The following ASF1A variants were observed in gnomAD, a reference collection of about 807,000 sequenced individuals.
ASF1A encodes anti-silencing function 1A histone chaperone.
In ASF1A, 5 loss-of-function variants were observed where a neutral mutation model predicts 22.0. The ratio of observed to expected loss-of-function variants is 0.23; its 90% CI spans 0.12 to 0.48. The LOEUF (loss-of-function observed/expected upper bound fraction) is 0.48, where lower values mean the gene tolerates loss of function less well. Among genes scored for constraint, ASF1A ranks in the 20% least tolerant of loss-of-function variants. The pLI is 0.99. For missense variants in ASF1A, 137 were observed against 240.6 expected, an observed-to-expected ratio of 0.57 and a Z score of 2.85; for synonymous variants, 97 against 86.7, an observed-to-expected ratio of 1.12 and a Z score of -0.66.
intron 1 of ASF1A, among the ~76,000 whole-genome samples, chr6:118,900,140 T>C (rs1191169982): frequency 6.6e-6 from 1 of 152,216 alleles, no homozygotes; most frequent in African/African-American, 2.4e-5. Flanking sequence ...TGGTTTCCTC[T>C]GCCCAATTTA....
rs1029514787 is a variant in ASF1A at position 118,894,485 on chromosome 6, C to T, written c.72C>T (p.Phe24=). 3.0e-5 allele frequency: 46 copies of T among 1,537,066 alleles called. No individual in the cohort carries two copies. Among genetic ancestry groups the T allele is most frequent in the Non-Finnish European group, 4.0e-5 (46 of 1,146,838 alleles). ...CTCCTTTCTACAACCCGTTCCAGTT[C>T]GAGATCACCTTCGAGTGCATCGAGG... ...NPSPFYNPFQ[F]EITFECIEDL... The change falls in exon 1 of 4, where the codon TTC becomes TTT. Residue 24 remains phenylalanine, a synonymous_variant. Transcript: ENST00000229595.
intron 1 of ASF1A, among the ~76,000 whole-genome samples, chr6:118,900,442 T>C (rs1779732113): frequency 6.6e-6 from 1 of 152,194 alleles, no homozygotes; most frequent in South Asian, 2.1e-4. Flanking sequence ...CTGAAGGATA[T>C]CTCAGAAAAC....
intron 1 of ASF1A, among the ~76,000 whole-genome samples, chr6:118,896,564 C>T (rs1470487007): frequency 1.3e-5 from 2 of 152,166 alleles, no homozygotes; most frequent in Non-Finnish European, 2.9e-5. Context: ...CAGGGATTTA[C>T]AGTACTGGTG....
In ASF1A at chr6:118,908,937, A is replaced by G. The variant is rs1310829150; in HGVS notation, c.*1323A>G. The G allele has an allele frequency of 6.6e-6, 1 of 152,618 alleles. No individual in the cohort carries two copies. The highest frequency in any genetic ancestry group is 1.5e-5 in the Non-Finnish European group (1 of 68,024). The allele number at this position is 152,618 out of a possible 1,614,324, so 9.5% of individuals were successfully genotyped here. On this transcript the variant is annotated 3_prime_UTR_variant, in exon 4 of 4. Transcript: ENST00000229595. ...TAAACATGGATTCTGAGTTGTATATATTTCCTATCATTCTAAAAAAGTGAA... is the reference window on the plus strand; with the variant it reads ...TAAACATGGATTCTGAGTTGTATATGTTTCCTATCATTCTAAAAAAGTGAA...
rs950415002 is a variant in ASF1A at position 118,908,375 on chromosome 6, T to C, written c.*761T>C. The stretch of plus-strand genomic sequence containing the variant: ...ATATCGGGAGAAAATACAAACTCCC[T>C]GTGTTTAAGAATAGGGGATTACAAT... On this transcript the variant is annotated 3_prime_UTR_variant, in exon 4 of 4. Coordinates refer to ENST00000229595, the MANE Select transcript of ASF1A (RefSeq NM_014034.3). 1.3e-5 allele frequency: 2 copies of C among 152,262 alleles called. No homozygotes were observed. Among genetic ancestry groups the C allele is most frequent in the African/African-American group, 4.8e-5 (2 of 41,566 alleles). 9.4% of individuals were successfully genotyped at this position (152,262 alleles called of 1,614,324 possible). A position where few individuals can be genotyped will look rare whatever the true frequency, so the allele number is the denominator to read the frequency against.
intron 1 of ASF1A, among the ~76,000 whole-genome samples, chr6:118,894,728 T>A (rs1779232062): frequency 6.6e-6 from 1 of 152,140 alleles, no homozygotes; most frequent in Non-Finnish European, 1.5e-5. Context: ...CGGGCTCAAC[T>A]TGCGAGGAAC....
At chr6:118,901,091 G>C in intron 2 of ASF1A, 1 of 474,786 alleles carries the variant, frequency 2.1e-6, no homozygotes, top group Non-Finnish European at 3.8e-6. Flanking sequence ...AGATGTTAAT[G>C]TGACGTTTAC....
Position 118,907,754 on chromosome 6 carries a change from A to G in ASF1A, c.*140A>G. On this transcript the variant is annotated 3_prime_UTR_variant, in exon 4 of 4. Transcript: ENST00000229595. ...CCTGTAGAAAGTTTATAAGAAAACC[A>G]GTATTTGAACAAATTGTGGAATATA... is the stretch of plus-strand genomic sequence containing the variant. The G allele has an allele frequency of 1.6e-6, 1 of 640,372 alleles. No homozygotes were observed. The highest frequency in any genetic ancestry group is 2.6e-6 in the Non-Finnish European group (1 of 381,364). The allele number at this position is 640,372 out of a possible 1,614,324, so 39.7% of individuals were successfully genotyped here.
chr6:118,895,957 A>G (rs758867928), intron 1 of ASF1A, among the ~76,000 whole-genome samples: 2 of 152,026 alleles, frequency 1.3e-5, no homozygotes, highest in Non-Finnish European at 2.9e-5. Flanking sequence ...GTACAGGCAT[A>G]TATAAAGTTA....
Position 118,907,675 on chromosome 6 carries a change from A to G in ASF1A, c.*61A>G. 7.5e-7 allele frequency: 1 copy of G among 1,337,046 alleles called. No homozygotes were observed. The highest frequency in any genetic ancestry group is 1.1e-6 in the Non-Finnish European group (1 of 941,628). 82.8% of individuals were successfully genotyped at this position (1,337,046 alleles called of 1,614,324 possible). On this transcript the variant is annotated 3_prime_UTR_variant, in exon 4 of 4. Coordinates refer to ENST00000229595, the MANE Select transcript of ASF1A (RefSeq NM_014034.3). ...AAAAATACACAGAACTATTTCCCTG[A>G]AATTCCGTAAGTACATAGTCAAAAC...
At position 118,909,040 on chromosome 6, in the gene ASF1A, G is replaced by T. The variant is rs1179768200; in HGVS notation, c.*1426G>T. The T allele has an allele frequency of 6.6e-6, 1 of 152,162 alleles. No homozygotes were observed. The highest frequency in any genetic ancestry group is 1.5e-5 in the Non-Finnish European group (1 of 68,008). The allele number at this position is 152,162 out of a possible 1,614,324, so 9.4% of individuals were successfully genotyped here. ...TTATTAAAATATTGTCCATTAACTAGTTCATAGATTTTAAAAGTAAAATAC... is the reference window on the plus strand; with the variant it reads ...TTATTAAAATATTGTCCATTAACTATTTCATAGATTTTAAAAGTAAAATAC... On this transcript the variant is annotated 3_prime_UTR_variant, in exon 4 of 4. Transcript: ENST00000229595.
At chr6:118,905,284 AC>A (rs1780100979) in intron 2 of ASF1A, among the ~76,000 whole-genome samples, 1 of 152,230 alleles carries the variant, frequency 6.6e-6, no homozygotes, top group South Asian at 2.1e-4. Flanking sequence ...TTTAATACTT[AC>A]TAATTTAGGT....
chr6:118,903,892 A>T (rs1779986155), intron 2 of ASF1A, among the ~76,000 whole-genome samples: 2 of 152,180 alleles, frequency 1.3e-5, no homozygotes, highest in Admixed American at 1.3e-4. Flanking sequence ...CAGAGCGTGA[A>T]AAGATTATCA....
intron 1 of ASF1A, 41 bp downstream of exon 1, chr6:118,894,563 C>T: frequency 1.3e-6 from 2 of 1,481,718 alleles, no homozygotes; most frequent in East Asian, 2.5e-5. Context: ...CAGTTGCGGG[C>T]TGCAGACGTT....
Position 118,894,358 on chromosome 6 carries a change from G to A in ASF1A, c.-56G>A. 1.3e-6 allele frequency: 2 copies of A among 1,533,984 alleles called. No homozygotes were observed. Among genetic ancestry groups the A allele is most frequent in the South Asian group, 1.2e-5 (1 of 83,744 alleles). ...CGCTCTCCCGAGCGGCCGCGCGCTGGACTTTATTGTGCCGCAACCAGCCCC... is the reference window on the plus strand; with the variant it reads ...CGCTCTCCCGAGCGGCCGCGCGCTGAACTTTATTGTGCCGCAACCAGCCCC... On this transcript the variant is annotated 5_prime_UTR_variant, in exon 1 of 4. Coordinates refer to ENST00000229595, the MANE Select transcript of ASF1A (RefSeq NM_014034.3).
Position 118,908,678 on chromosome 6 carries a change from T to C in ASF1A, c.*1064T>C, listed in dbSNP as rs1440830069. 1 of 152,364 alleles carries C rather than the reference T, an allele frequency of 6.6e-6. No individual in the cohort carries two copies. The highest frequency in any genetic ancestry group is 6.5e-5 in the Admixed American group (1 of 15,276). 9.4% of individuals were successfully genotyped at this position (152,364 alleles called of 1,614,324 possible). ...TCCAACAAATCTTTGAAAAGCAATC[T>C]TGGAAAGGAATTCATTAACTAAATG... On this transcript the variant is annotated 3_prime_UTR_variant, in exon 4 of 4. Transcript: ENST00000229595.
Position 118,907,702 on chromosome 6 carries a change from C to T in ASF1A, c.*88C>T, listed in dbSNP as rs1046499115. On this transcript the variant is annotated 3_prime_UTR_variant, in exon 4 of 4. Coordinates refer to ENST00000229595, the MANE Select transcript of ASF1A (RefSeq NM_014034.3). Reference sequence around the variant, plus strand: ...ATTCCGTAAGTACATAGTCAAAACACAATGTGAAGAATTTGTTTAAAAACA... The same window carrying T: ...ATTCCGTAAGTACATAGTCAAAACATAATGTGAAGAATTTGTTTAAAAACA... The T allele has an allele frequency of 5.0e-6, 5 of 994,236 alleles. No homozygotes were observed. Among genetic ancestry groups the T allele is most frequent in the Non-Finnish European group, 6.0e-6 (4 of 669,136 alleles). The allele number at this position is 994,236 out of a possible 1,614,324, so 61.6% of individuals were successfully genotyped here. A position where few individuals can be genotyped will look rare whatever the true frequency, so the allele number is the denominator to read the frequency against.
At chr6:118,902,734 C>G (rs1313208739) in intron 2 of ASF1A, among the ~76,000 whole-genome samples, 1 of 151,940 alleles carries the variant, frequency 6.6e-6, no homozygotes, top group Non-Finnish European at 1.5e-5. Flanking sequence ...GTACATGTTG[C>G]CAAAAAGAAC....
intron 1 of ASF1A, 31 bp from the exon 2 acceptor site, chr6:118,900,735 A>G: frequency 7.0e-7 from 1 of 1,425,302 alleles, no homozygotes; most frequent in Non-Finnish European, 9.9e-7. Flanking sequence ...ATTACTGAAT[A>G]TGAAATAATG....
Sources: gnomAD v4.1 joint callset for allele counts (sites outside exome capture counted in the v4.1 genomes callset) on GRCh38, gnomAD v4.1.1 for gene constraint, MANE v1.5 for transcripts, NCBI Gene and HGNC (gene_info 2026-07-23, HGNC 2026-07-21) for gene names.